The following GRID2 variants were observed in gnomAD, a reference collection of about 807,000 sequenced individuals.
The protein encoded by GRID2 is glutamate receptor ionotropic, delta-2.
A neutral mutation model predicts 114.8 loss-of-function variants in GRID2; 33 were observed. The ratio of observed to expected loss-of-function variants is 0.29; its 90% confidence interval spans 0.22 to 0.38. The LOEUF is 0.38. Ranked by LOEUF, GRID2 falls within the 10% of genes least tolerant of loss-of-function variation. The pLI is 1.00. For missense variants in GRID2, 1,184 were observed against 1,257.7 expected, an observed-to-expected ratio of 0.94 and a Z score of 0.89; for synonymous variants, 505 against 449.9, an observed-to-expected ratio of 1.12 and a Z score of -1.55.
intron 1 of GRID2, among the ~76,000 whole-genome samples, chr4:92,460,053 T>TATATATATATATATAC (rs1032538170): frequency 0.056 from 5,532 of 99,248 alleles, 442 homozygotes; most frequent in Middle Eastern, 0.093. Flanking sequence ...TATATATATA[T>TATATATATATATATAC]ACACACACAA....
At chr4:92,522,563 A>T (rs1724841576) in intron 1 of GRID2, among the ~76,000 whole-genome samples, 2 of 151,954 alleles carry the variant, frequency 1.3e-5, no homozygotes, top group Non-Finnish European at 2.9e-5. Flanking sequence ...GAAGCTATTG[A>T]CTTAATCATC....
chr4:92,796,377 C>T (rs1739875616), intron 2 of GRID2, among the ~76,000 whole-genome samples: 1 of 151,928 alleles, frequency 6.6e-6, no homozygotes, highest in South Asian at 2.1e-4. Flanking sequence ...ATCAATGGAA[C>T]CAGTATAGAA....
At chr4:93,705,353 CAG>C (rs781381120) in intron 14 of GRID2, among the ~76,000 whole-genome samples, 2 of 149,710 alleles carry the variant, frequency 1.3e-5, no homozygotes, top group African/African-American at 4.9e-5. Context: ...CTTCCTGAAA[CAG>C]AGTCTCGCTG....
intron 2 of GRID2, among the ~76,000 whole-genome samples, chr4:92,665,889 C>T (rs1421587619): frequency 6.6e-6 from 1 of 151,300 alleles, no homozygotes; most frequent in African/African-American, 2.4e-5. Flanking sequence ...TAAAATGTGT[C>T]TCAGTGTGTG....
chr4:93,562,279 G>A (rs1020626402), intron 13 of GRID2, among the ~76,000 whole-genome samples: 9 of 151,676 alleles, frequency 5.9e-5, no homozygotes, highest in African/African-American at 1.7e-4. Context: ...GATGATATAC[G>A]ATGTGGAGCA....
At chr4:92,953,091 C>G (rs934900719) in intron 2 of GRID2, among the ~76,000 whole-genome samples, 3 of 152,104 alleles carry the variant, frequency 2.0e-5, no homozygotes, top group South Asian at 2.1e-4. Context: ...AGTACACCAA[C>G]AGTCGTATTG....
At chr4:92,649,208 A>G (rs1731804834) in intron 2 of GRID2, among the ~76,000 whole-genome samples, 1 of 117,362 alleles carries the variant, frequency 8.5e-6, no homozygotes, top group South Asian at 2.8e-4. Context: ...GATTATGAAA[A>G]TTTGCCATAT....
chr4:93,547,570 G>A (rs548127006), intron 13 of GRID2, among the ~76,000 whole-genome samples: 11 of 152,052 alleles, frequency 7.2e-5, no homozygotes, highest in South Asian at 2.1e-4. Flanking sequence ...TTTCTCTCTC[G>A]GGCCACATGC....
chr4:93,539,675 C>T (rs1732458302), intron 13 of GRID2, among the ~76,000 whole-genome samples: 1 of 152,048 alleles, frequency 6.6e-6, no homozygotes, highest in African/African-American at 2.4e-5. Context: ...CTGAACACAT[C>T]ACTATCCTGC....
intron 8 of GRID2, chr4:93,306,448 G>A (rs1426225567): frequency 6.6e-6 from 1 of 152,120 alleles, no homozygotes; most frequent in Non-Finnish European, 1.5e-5. Context: ...AGGAAGGGAA[G>A]GTGGAAGAAA....
At chr4:93,512,300 G>C (rs1729270666) in intron 12 of GRID2, among the ~76,000 whole-genome samples, 2 of 152,142 alleles carry the variant, frequency 1.3e-5, no homozygotes, top group African/African-American at 4.8e-5. Flanking sequence ...TTTGTTGAAT[G>C]ACCTACTATA....
chr4:92,420,974 G>T (rs763108611), intron 1 of GRID2, among the ~76,000 whole-genome samples: 1 of 152,032 alleles, frequency 6.6e-6, no homozygotes, highest in Non-Finnish European at 1.5e-5. Flanking sequence ...CATGAGCCAA[G>T]CTGCCTGGCC....
chr4:92,816,539 C>G (rs1740930064), intron 2 of GRID2, among the ~76,000 whole-genome samples: 1 of 151,922 alleles, frequency 6.6e-6, no homozygotes. Context: ...AAGGTTTCCA[C>G]AAGGAGAAGG....
At chr4:92,481,271 G>T (rs1055510775) in intron 1 of GRID2, among the ~76,000 whole-genome samples, 1 of 151,970 alleles carries the variant, frequency 6.6e-6, no homozygotes, top group Non-Finnish European at 1.5e-5. Flanking sequence ...TACCCTTAAA[G>T]TTCCTGGAAG....
At chr4:93,084,765 C>A (rs1730183997) in intron 2 of GRID2, among the ~76,000 whole-genome samples, 1 of 152,124 alleles carries the variant, frequency 6.6e-6, no homozygotes, top group South Asian at 2.1e-4. Context: ...GAAACCGAGC[C>A]AAGAGAAGCC....
chr4:93,551,807 C>T (rs1733776136), intron 13 of GRID2, among the ~76,000 whole-genome samples: 1 of 152,200 alleles, frequency 6.6e-6, no homozygotes, highest in Admixed American at 6.5e-5. Flanking sequence ...AAAATTCCAT[C>T]AGATTTTTTG....
chr4:93,445,705 G>A (rs1353071024), intron 10 of GRID2, among the ~76,000 whole-genome samples: 1 of 151,870 alleles, frequency 6.6e-6, no homozygotes, highest in Admixed American at 6.6e-5. Flanking sequence ...ATAAGTACTT[G>A]AAAATAATAT....
At chr4:92,499,281 GC>G (rs1254252772) in intron 1 of GRID2, among the ~76,000 whole-genome samples, 5 of 151,904 alleles carry the variant, frequency 3.3e-5, no homozygotes, top group Non-Finnish European at 7.4e-5. Context: ...AGTATATCCT[GC>G]CCTACCAAAA....
intron 2 of GRID2, among the ~76,000 whole-genome samples, chr4:92,768,914 A>C (rs1738398454): frequency 6.6e-6 from 1 of 152,150 alleles, no homozygotes; most frequent in Non-Finnish European, 1.5e-5. Flanking sequence ...CATACAAACC[A>C]TATTATTCTG....
Sources: gnomAD v4.1 joint callset for allele counts (sites outside exome capture counted in the v4.1 genomes callset) on GRCh38, gnomAD v4.1.1 for gene constraint, MANE v1.5 for transcripts, NCBI Gene and HGNC (gene_info 2026-07-23, HGNC 2026-07-21) for gene names.